The following ZNF585B variants were observed in gnomAD, a reference collection of about 807,000 sequenced individuals.
ZNF585B encodes the protein zinc finger protein 41-like protein.
ZNF585B carries 7 observed loss-of-function variants against 14.0 expected under a neutral mutation model. The ratio of observed to expected loss-of-function variants is 0.50; its 90% CI spans 0.28 to 0.94. The LOEUF is 0.94. Ranked by LOEUF, ZNF585B falls within the 40% of genes least tolerant of loss-of-function variation. ZNF585B has a pLI of 0.09. For synonymous variants in ZNF585B, 290 were observed against 317.3 expected (o/e 0.91, Z 0.91); for missense variants, 750 against 924.4 (o/e 0.81, Z 2.45).
Position 37,207,181 on chromosome 19 carries a change from G to A in ZNF585B, c.-70C>T. On this transcript the variant is annotated 5_prime_UTR_variant, in exon 2 of 5. Coordinates refer to ENST00000532828, the MANE Select transcript of ZNF585B (RefSeq NM_152279.4). ...TTAGTGGTCATCTGTGAACTCAGCA[G>A]AGCTGCTCCGAAGAGGTGGGCTGGA... 4.4e-6 allele frequency: 7 copies of A among 1,604,214 alleles called. No individual in the cohort carries two copies. The highest frequency in any genetic ancestry group is 3.3e-4 in the Middle Eastern group (2 of 6,050).
chr19:37,200,393 T>C (rs1368176632), intron 2 of ZNF585B, among the ~76,000 whole-genome samples: 1 of 150,464 alleles, frequency 6.6e-6, no homozygotes, highest in East Asian at 2.0e-4. Context: ...CTACTAAAAA[T>C]ACAAAAATTA....
rs534557576 is a variant in ZNF585B, at chr19:37,182,475, T to C, written c.*2752A>G. The C allele has an allele frequency of 1.3e-5, 2 of 152,286 alleles. No individual in the cohort carries two copies. Among genetic ancestry groups the C allele is most frequent in the East Asian group, 3.9e-4 (2 of 5,174 alleles). 9.4% of individuals were successfully genotyped at this position (152,286 alleles called of 1,614,324 possible). ...ATATCCAAAACTGAAGGAAGAATAG[T>C]GAAGCTTCAGATACAGTGCTGGATG... On this transcript the variant is annotated 3_prime_UTR_variant, in exon 5 of 5. Coordinates refer to ENST00000532828, the MANE Select transcript of ZNF585B (RefSeq NM_152279.4).
intron 2 of ZNF585B, among the ~76,000 whole-genome samples, chr19:37,196,513 T>C (rs1292072044): frequency 6.6e-6 from 1 of 152,116 alleles, no homozygotes; most frequent in Non-Finnish European, 1.5e-5. Flanking sequence ...TGTGGGTCCA[T>C]TTGTAACACA....
At chr19:37,205,662 T>C in intron 2 of ZNF585B, among the ~76,000 whole-genome samples, 1 of 152,198 alleles carries the variant, frequency 6.6e-6, no homozygotes, top group Admixed American at 6.5e-5. Context: ...TTCACCATAA[T>C]ACTTTTCAAT....
At chr19:37,190,829 G>A (rs1257321955) in intron 2 of ZNF585B, among the ~76,000 whole-genome samples, 1 of 152,184 alleles carries the variant, frequency 6.6e-6, no homozygotes, top group African/African-American at 2.4e-5. Context: ...TTCCCAAAGT[G>A]CTGGGATTAC....
intron 2 of ZNF585B, among the ~76,000 whole-genome samples, chr19:37,191,238 C>T (rs973341693): frequency 6.6e-6 from 1 of 152,114 alleles, no homozygotes; most frequent in Admixed American, 6.6e-5. Flanking sequence ...TAAGAAATTT[C>T]TAAGAAATAA....
At chr19:37,199,161 T>C (rs1195075724) in intron 2 of ZNF585B, 2 of 542,982 alleles carry the variant, frequency 3.7e-6, no homozygotes, top group Non-Finnish European at 6.4e-6. Flanking sequence ...TTATCAAGAA[T>C]TTAGTAGGAA....
chr19:37,203,454 T>C (rs1484663237), intron 2 of ZNF585B, among the ~76,000 whole-genome samples: 4 of 126,082 alleles, frequency 3.2e-5, no homozygotes, highest in African/African-American at 1.2e-4. Context: ...CACTCCAGCC[T>C]GGGCAACATA....
intron 2 of ZNF585B, among the ~76,000 whole-genome samples, chr19:37,197,212 C>T (rs370629937): frequency 5.9e-5 from 9 of 151,676 alleles, no homozygotes; most frequent in East Asian, 5.8e-4. Flanking sequence ...TTCCCACCTA[C>T]GAGTGAGAAC....
At chr19:37,193,622 C>G (rs1972428728) in intron 2 of ZNF585B, among the ~76,000 whole-genome samples, 1 of 151,758 alleles carries the variant, frequency 6.6e-6, no homozygotes, top group Non-Finnish European at 1.5e-5. Flanking sequence ...TAAAAAAATA[C>G]CAAAAAAATT....
chr19:37,193,699 G>A (rs542905963), intron 2 of ZNF585B, among the ~76,000 whole-genome samples: 20 of 152,176 alleles, frequency 1.3e-4, no homozygotes, highest in Non-Finnish European at 2.4e-4. Context: ...AGGATCGACT[G>A]AGCCCGGGAG....
intron 2 of ZNF585B, among the ~76,000 whole-genome samples, chr19:37,206,313 A>G (rs1236037634): frequency 6.6e-6 from 1 of 151,174 alleles, no homozygotes; most frequent in Non-Finnish European, 1.5e-5. Flanking sequence ...TAGCCGAACG[A>G]GGTGGCACAT....
chr19:37,193,200 G>A (rs921291462), intron 2 of ZNF585B, among the ~76,000 whole-genome samples: 3 of 150,866 alleles, frequency 2.0e-5, no homozygotes, highest in South Asian at 4.2e-4. Context: ...GGCTGGACAT[G>A]GTGGCTCACA....
chr19:37,202,797 C>T (rs1972544645), intron 2 of ZNF585B, among the ~76,000 whole-genome samples: 1 of 152,034 alleles, frequency 6.6e-6, no homozygotes. Flanking sequence ...TATGTGCCAC[C>T]ATGCCCAGTT....
At chr19:37,209,167 T>TGATC (rs1237967976) in intron 1 of ZNF585B, among the ~76,000 whole-genome samples, 4 of 152,110 alleles carry the variant, frequency 2.6e-5, no homozygotes, top group Non-Finnish European at 5.9e-5. Flanking sequence ...TGCAATGGCA[T>TGATC]GATCTTGGCT....
intron 2 of ZNF585B, among the ~76,000 whole-genome samples, chr19:37,192,960 C>T (rs944004270): frequency 6.7e-6 from 1 of 149,414 alleles, no homozygotes; most frequent in African/African-American, 2.5e-5. Context: ...ATGTTGAAAC[C>T]CCCTCTCTAC....
chr19:37,198,475 C>G (rs1330342160), intron 2 of ZNF585B, among the ~76,000 whole-genome samples: 1 of 152,082 alleles, frequency 6.6e-6, no homozygotes, highest in East Asian at 1.9e-4. Context: ...CCAGGCCATT[C>G]CAGTGTTTTA....
chr19:37,198,452 A>G (rs1972493636), intron 2 of ZNF585B, among the ~76,000 whole-genome samples: 1 of 152,128 alleles, frequency 6.6e-6, no homozygotes, highest in African/African-American at 2.4e-5. Flanking sequence ...GATTACAGGC[A>G]TGAGCCACCA....
intron 2 of ZNF585B, among the ~76,000 whole-genome samples, chr19:37,206,118 T>C (rs373831268): frequency 1.0e-4 from 15 of 150,640 alleles, no homozygotes; most frequent in East Asian, 2.0e-4. Context: ...AAAAATAACA[T>C]TACATCCATG....
Sources: allele counts gnomAD v4.1 joint callset (sites outside exome capture counted in the v4.1 genomes callset), GRCh38; gene constraint gnomAD v4.1.1; transcripts MANE v1.5; gene names NCBI Gene and HGNC (gene_info 2026-07-23, HGNC 2026-07-21).